Variants in EML1 observed in about 807,000 individuals in gnomAD.
EML1 encodes the protein EMAP like 1.
In EML1, 27 loss-of-function variants were observed where a neutral mutation model predicts 110.4. The observed-to-expected ratio is 0.24, with a 90% confidence interval of 0.18 to 0.34. The LOEUF (loss-of-function observed/expected upper bound fraction) is 0.34, where lower values mean the gene tolerates loss of function less well. EML1 is among the 10% of genes least tolerant of loss of function. The probability of loss-of-function intolerance (pLI) is 1.00; values close to 1 mark genes in which losing one functional copy is unlikely to be tolerated. For missense variants in EML1, 741 were observed against 1,030.9 expected (o/e 0.72, Z 3.85); for synonymous variants, 344 against 385.8 (o/e 0.89, Z 1.27).
At chr14:99,887,601 A>T (rs1028759640) in intron 4 of EML1, among the ~76,000 whole-genome samples, 4 of 152,036 alleles carry the variant, frequency 2.6e-5, no homozygotes, top group Admixed American at 1.3e-4. Context: ...TCACCCACTT[A>T]ATTTTTTCCA....
At chr14:99,753,000 C>T (rs2057194050) in intron 1 of EML1, among the ~76,000 whole-genome samples, 1 of 152,052 alleles carries the variant, frequency 6.6e-6, no homozygotes, top group Admixed American at 6.5e-5. Flanking sequence ...GCTTTTATTC[C>T]CCGCCCTGGC....
chr14:99,814,614 A>G (rs1039670327), intron 1 of EML1, among the ~76,000 whole-genome samples: 4 of 152,226 alleles, frequency 2.6e-5, no homozygotes, highest in Admixed American at 6.5e-5. Context: ...TCATGAAACT[A>G]TAAAACAAAG....
intron 7 of EML1, among the ~76,000 whole-genome samples, chr14:99,897,970 G>A (rs2059699492): frequency 6.6e-6 from 1 of 152,164 alleles, no homozygotes; most frequent in Non-Finnish European, 1.5e-5. Context: ...TAGTGGTTCT[G>A]AGATTGAAAT....
At chr14:99,856,470 G>A (rs1044714198) in intron 2 of EML1, among the ~76,000 whole-genome samples, 3 of 152,192 alleles carry the variant, frequency 2.0e-5, no homozygotes, top group African/African-American at 7.2e-5. Flanking sequence ...GCTCTTGGCA[G>A]TCAATGACAT....
chr14:99,865,223 G>C (rs956733235), intron 2 of EML1, among the ~76,000 whole-genome samples: 6 of 152,092 alleles, frequency 3.9e-5, no homozygotes, highest in African/African-American at 1.4e-4. Flanking sequence ...AGATCATCAG[G>C]CATTAGATTC....
chr14:99,874,835 C>A, intron 3 of EML1: 2 of 1,147,630 alleles, frequency 1.7e-6, no homozygotes, highest in Non-Finnish European at 2.5e-6. Context: ...ATGTGTGCGT[C>A]CTGCAATTTA....
At chr14:99,889,803 C>G (rs2059555697) in intron 4 of EML1, among the ~76,000 whole-genome samples, 1 of 152,232 alleles carries the variant, frequency 6.6e-6, no homozygotes, top group Non-Finnish European at 1.5e-5. Context: ...CCCAGGCTTT[C>G]AGGTTCAAAG....
intron 1 of EML1, among the ~76,000 whole-genome samples, chr14:99,777,602 T>TAG (rs2057497136): frequency 6.6e-6 from 1 of 152,124 alleles, no homozygotes; most frequent in South Asian, 2.1e-4. Flanking sequence ...GTATTTTTAG[T>TAG]AGAGACGGGG....
intron 2 of EML1, among the ~76,000 whole-genome samples, chr14:99,860,615 G>A (rs987644210): frequency 2.0e-4 from 31 of 152,152 alleles, no homozygotes; most frequent in African/African-American, 7.0e-4. Context: ...TGGCGTGATG[G>A]CATGTGCAAA....
At chr14:99,884,118 T>C (rs1284910465) in intron 4 of EML1, among the ~76,000 whole-genome samples, 1 of 152,166 alleles carries the variant, frequency 6.6e-6, no homozygotes, top group Non-Finnish European at 1.5e-5. Flanking sequence ...ATCCCATGCA[T>C]AGGAGCCTCA....
chr14:99,796,770 C>G (rs563499209), intron 1 of EML1, among the ~76,000 whole-genome samples: 2 of 151,902 alleles, frequency 1.3e-5, no homozygotes, highest in South Asian at 4.2e-4. Context: ...ATATTTTCTT[C>G]GAGGCCTCAT....
chr14:99,739,104 C>CAGAGAG (rs1210048454), intron 1 of EML1, among the ~76,000 whole-genome samples: 2 of 52,870 alleles, frequency 3.8e-5, no homozygotes, highest in Admixed American at 1.8e-4. Flanking sequence ...GAGAGAGAGA[C>CAGAGAG]AGAGAGAGAG....
Position 99,932,840 on chromosome 14 carries a change from C to T in EML1, c.1910-3189C>T, listed in dbSNP as rs115785594. ...AAATAACAAATAGTTCCATTATGGC[C>T]GGGCACAGTGGCTCACACCTGTAAT... On this transcript the variant is annotated intron_variant, in intron 17 of 21. Transcript: ENST00000262233. Among the ~76,000 whole-genome samples, 246 of 152,046 alleles carry T rather than the reference C, an allele frequency of 1.6e-3. 3 individuals are homozygous for T. Among genetic ancestry groups the T allele is most frequent in the African/African-American group, 5.4e-3 (224 of 41,452 alleles).
intron 1 of EML1, among the ~76,000 whole-genome samples, chr14:99,765,100 G>C (rs2057354424): frequency 6.6e-6 from 1 of 152,058 alleles, no homozygotes; most frequent in South Asian, 2.1e-4. Context: ...ACCATGCACA[G>C]CTAATTTTTT....
chr14:99,919,409 CATACGCATGCACACAG>C (rs150814589), intron 16 of EML1, among the ~76,000 whole-genome samples: 30 of 91,286 alleles, frequency 3.3e-4, no homozygotes, highest in South Asian at 2.0e-3. Context: ...CACACACACA[CATACGCATGCACACAG>C]ACACACACAC....
intron 8 of EML1, 128 bp downstream of exon 8, chr14:99,898,430 C>G (rs2059706512): frequency 1.2e-6 from 1 of 867,180 alleles, no homozygotes; most frequent in South Asian, 2.2e-5. Context: ...CTGAACCCCT[C>G]ACTAGAATTT....
At chr14:99,760,733 CA>C (rs1595248449) in intron 1 of EML1, among the ~76,000 whole-genome samples, 2 of 152,174 alleles carry the variant, frequency 1.3e-5, no homozygotes, top group African/African-American at 2.4e-5. Flanking sequence ...TCAGTCTCGT[CA>C]AGTAAGCCCC....
intron 9 of EML1, 134 bp downstream of exon 9, chr14:99,901,173 C>A: frequency 1.4e-6 from 1 of 723,546 alleles, no homozygotes; most frequent in East Asian, 2.7e-5. Flanking sequence ...TGAAACATTC[C>A]TGCTTCCCAG....
intron 1 of EML1, among the ~76,000 whole-genome samples, chr14:99,763,883 C>T (rs1196416677): frequency 6.6e-6 from 1 of 152,162 alleles, no homozygotes; most frequent in Non-Finnish European, 1.5e-5. Context: ...TGGAGGACAG[C>T]CCTGGAGGAG....
Sources: gnomAD v4.1 joint callset for allele counts (sites outside exome capture counted in the v4.1 genomes callset) on GRCh38, gnomAD v4.1.1 for gene constraint, MANE v1.5 for transcripts, NCBI Gene and HGNC (gene_info 2026-07-23, HGNC 2026-07-21) for gene names.